BTBD8: variants seen among roughly 807,000 people sequenced by gnomAD.
BTBD8 encodes BTB domain containing 8, also known as BTB/POZ domain-containing protein 8.
BTBD8 carries 110 observed loss-of-function variants against 162.9 expected under a neutral mutation model. That is an observed-to-expected ratio of 0.68 (90% CI 0.58 to 0.79). BTBD8 has a LOEUF of 0.79. BTBD8 is among the 30% of genes least tolerant of loss of function. The pLI is 0.00. For synonymous variants in BTBD8, 667 were observed against 716.1 expected (o/e 0.93, Z 1.10); for missense variants, 1,905 against 2,085.4 (o/e 0.91, Z 1.68).
intron 5 of BTBD8, among the ~76,000 whole-genome samples, chr1:92,136,409 C>T (rs1266623222): frequency 6.7e-6 from 1 of 150,286 alleles, no homozygotes; most frequent in Admixed American, 6.6e-5. Context: ...TTCTTGCCTT[C>T]CTCATTTTGT....
intron 2 of BTBD8, among the ~76,000 whole-genome samples, chr1:92,094,182 A>G (rs1390776707): frequency 6.6e-6 from 1 of 152,174 alleles, no homozygotes; most frequent in Non-Finnish European, 1.5e-5. Context: ...AGCACTAATC[A>G]TATTCTGTTT....
chr1:92,147,708 G>A lies in BTBD8; in HGVS notation c.1044G>A (p.Arg348=), dbSNP rs772269922. 1 of 1,612,738 alleles carries A rather than the reference G, an allele frequency of 6.2e-7. No individual in the cohort carries two copies. Among genetic ancestry groups the A allele is most frequent in the Admixed American group, 1.7e-5 (1 of 59,826 alleles). The change falls in exon 9 of 18, where the codon AGG becomes AGA. Residue 348 remains arginine (R), a synonymous_variant. Coordinates refer to ENST00000636805, the MANE Select transcript of BTBD8 (RefSeq NM_001376131.1). ...CMKWIVKHFA[R]FWSERSFANI... ...GGTGGATTGTAAAGCATTTTGCAAG[G>A]TTTTGGTCTGAGAGAAGCTTTGCAA...
intron 9 of BTBD8, among the ~76,000 whole-genome samples, chr1:92,165,084 A>G (rs1444063804): frequency 2.0e-5 from 3 of 150,488 alleles, no homozygotes; most frequent in Non-Finnish European, 4.4e-5. Flanking sequence ...TCAAGCCACT[A>G]CATTCCAGCC....
intron 13 of BTBD8, among the ~76,000 whole-genome samples, chr1:92,174,266 C>T (rs1557465283): frequency 6.6e-6 from 1 of 152,160 alleles, no homozygotes; most frequent in Non-Finnish European, 1.5e-5. Flanking sequence ...TCACAACTCA[C>T]TGCAGCCCTG....
intron 2 of BTBD8, among the ~76,000 whole-genome samples, chr1:92,100,262 T>TA (rs906399705): frequency 1.3e-5 from 2 of 152,218 alleles, no homozygotes; most frequent in Non-Finnish European, 2.9e-5. Flanking sequence ...TTTTTTTATT[T>TA]ACACTAATAA....
At chr1:92,108,194 G>C (rs947206084) in intron 4 of BTBD8, among the ~76,000 whole-genome samples, 193 bp downstream of exon 4, 27 of 152,200 alleles carry the variant, frequency 1.8e-4, no homozygotes, top group Non-Finnish European at 3.2e-4. Flanking sequence ...CATCAGGCAA[G>C]GTTTTCTGCA....
At chr1:92,160,713 C>A (rs1022608631) in intron 9 of BTBD8, among the ~76,000 whole-genome samples, 5 of 152,100 alleles carry the variant, frequency 3.3e-5, no homozygotes, top group Non-Finnish European at 7.3e-5. Flanking sequence ...GCTTTTCCAG[C>A]TCTTCACTCT....
chr1:92,164,091 C>T (rs1557461267), intron 9 of BTBD8, among the ~76,000 whole-genome samples: 1 of 152,160 alleles, frequency 6.6e-6, no homozygotes, highest in African/African-American at 2.4e-5. Context: ...CAGGAAGTCA[C>T]TGGAAGAGGA....
intron 3 of BTBD8, 84 bp downstream of exon 3, chr1:92,102,753 A>G: frequency 2.4e-6 from 3 of 1,225,296 alleles, no homozygotes; most frequent in Non-Finnish European, 3.2e-6. Context: ...TACTTCAAAA[A>G]TATGCTTTAC....
At chr1:92,081,845 A>G (rs1648026287) in intron 1 of BTBD8, among the ~76,000 whole-genome samples, 1 of 152,204 alleles carries the variant, frequency 6.6e-6, no homozygotes, top group Non-Finnish European at 1.5e-5. Context: ...AAATGCTGGG[A>G]TTACAGGCGT....
Position 92,180,264 on chromosome 1 carries a change from G to T in BTBD8, c.2582-1G>T. 1.3e-6 allele frequency: 2 copies of T among 1,523,344 alleles called. No homozygotes were observed. The highest frequency in any genetic ancestry group is 1.3e-5 in the South Asian group (1 of 78,762). 94.4% of individuals were successfully genotyped at this position (1,523,344 alleles called of 1,614,324 possible). On this transcript the variant is annotated splice_acceptor_variant, in intron 16 of 17. Transcript: ENST00000636805. LOFTEE classifies it high-confidence loss of function. ...TGAATATACCCTCTTACTTTTCTTA[G>T]GATCCCAAGGAGAGTCACCAAACTC...
chr1:92,123,955 T>C (rs1278112720), intron 4 of BTBD8, among the ~76,000 whole-genome samples: 1 of 152,052 alleles, frequency 6.6e-6, no homozygotes, highest in Non-Finnish European at 1.5e-5. Flanking sequence ...TAAGGGCTTG[T>C]CTATTTCCTG....
chr1:92,146,156 TA>T (rs888507974), intron 7 of BTBD8, among the ~76,000 whole-genome samples: 2 of 152,128 alleles, frequency 1.3e-5, no homozygotes, highest in Non-Finnish European at 2.9e-5. Context: ...ACTTTTGCTT[TA>T]AAAAAGATAT....
At chr1:92,085,826 G>T (rs952617635) in intron 1 of BTBD8, among the ~76,000 whole-genome samples, 1 of 152,126 alleles carries the variant, frequency 6.6e-6, no homozygotes, top group Non-Finnish European at 1.5e-5. Flanking sequence ...TCAGTGTTGG[G>T]GTGATCAGAC....
At chr1:92,084,377 G>A (rs1013515410) in intron 1 of BTBD8, among the ~76,000 whole-genome samples, 1 of 152,112 alleles carries the variant, frequency 6.6e-6, no homozygotes, top group Non-Finnish European at 1.5e-5. Flanking sequence ...TGCGTGTGTT[G>A]CGAGCTAGGG....
At chr1:92,121,981 T>C (rs931291589) in intron 4 of BTBD8, among the ~76,000 whole-genome samples, 1 of 152,130 alleles carries the variant, frequency 6.6e-6, no homozygotes, top group African/African-American at 2.4e-5. Flanking sequence ...TGCCTATTTT[T>C]AAATCAGGTT....
intron 5 of BTBD8, among the ~76,000 whole-genome samples, chr1:92,131,723 C>CAA (rs1377974623): frequency 0.065 from 5,199 of 79,966 alleles, 376 homozygotes; most frequent in African/African-American, 0.2. Context: ...GACTCTGTCT[C>CAA]AAAAAAAAAA....
Position 92,139,450 on chromosome 1 carries a change from A to G in BTBD8, c.833+20A>G. The G allele has an allele frequency of 1.3e-6, 2 of 1,593,146 alleles. No individual in the cohort carries two copies. Among genetic ancestry groups the G allele is most frequent in the South Asian group, 1.2e-5 (1 of 85,312 alleles). ...TGTTGGGTATGTATTCCTTTTTAAT[A>G]ATTTAAAATATAAAAGAGTTAGGTT... On this transcript the variant is annotated intron_variant, in intron 6 of 17. Coordinates refer to ENST00000636805, the MANE Select transcript of BTBD8 (RefSeq NM_001376131.1).
intron 6 of BTBD8, among the ~76,000 whole-genome samples, chr1:92,140,415 T>TG (rs1255611943): frequency 6.6e-6 from 1 of 152,192 alleles, no homozygotes; most frequent in Non-Finnish European, 1.5e-5. Context: ...TCCATTTTCT[T>TG]GCTATTCTAA....
Sources: allele counts gnomAD v4.1 joint callset (sites outside exome capture counted in the v4.1 genomes callset), GRCh38; gene constraint gnomAD v4.1.1; transcripts MANE v1.5; gene names NCBI Gene and HGNC (gene_info 2026-07-23, HGNC 2026-07-21).